GTF2B: variants seen among roughly 807,000 people sequenced by gnomAD.
GTF2B encodes general transcription factor IIB, also known as transcription initiation factor IIB.
In GTF2B, 20 loss-of-function variants were observed where a neutral mutation model predicts 34.6. The observed-to-expected ratio is 0.58, with a 90% CI of 0.41 to 0.84. The LOEUF is 0.84. Ranked by LOEUF, GTF2B falls within the 40% of genes least tolerant of loss-of-function variation. GTF2B has a pLI of 0.00. For missense variants in GTF2B, 237 were observed against 393.3 expected (o/e 0.60, Z 3.36); for synonymous variants, 142 against 132.4 (o/e 1.07, Z -0.50).
At chr1:88,880,846 T>C (rs2100977630) in intron 2 of GTF2B, among the ~76,000 whole-genome samples, 1 of 151,854 alleles carries the variant, frequency 6.6e-6, no homozygotes, top group South Asian at 2.1e-4. Flanking sequence ...CCGTCTTTCC[T>C]AAAATAACAA....
intron 2 of GTF2B, among the ~76,000 whole-genome samples, chr1:88,882,040 T>C (rs1333032492): frequency 6.6e-6 from 1 of 152,096 alleles, no homozygotes; most frequent in Non-Finnish European, 1.5e-5. Flanking sequence ...CCAGGTGCCA[T>C]AGCTCACGCC....
chr1:88,864,418 T>C (rs1216269509), intron 2 of GTF2B, among the ~76,000 whole-genome samples: 1 of 152,120 alleles, frequency 6.6e-6, no homozygotes, highest in Non-Finnish European at 1.5e-5. Flanking sequence ...AATGTAATAA[T>C]GATTAAGAAC....
At position 88,885,088 on chromosome 1, in the gene GTF2B, GAA is replaced by G. The variant is rs540882535; in HGVS notation, c.124+2171_124+2172del. Among the ~76,000 whole-genome samples the G allele has an allele frequency of 1.8e-3, 274 of 152,318 alleles. 1 individual carries two copies. Among genetic ancestry groups the G allele is most frequent in the African/African-American group, 6.2e-3 (259 of 41,582 alleles). Reference sequence around the variant, plus strand: ...CTACTAAGCTCTGCTGTTGTAATGTGAAAAGAGTCATATACACTATGTAAACA... The same window carrying G: ...CTACTAAGCTCTGCTGTTGTAATGTGAAGAGTCATATACACTATGTAAACA... On this transcript the variant is annotated intron_variant, in intron 2 of 6. Transcript: ENST00000370500.
chr1:88,890,167 A>G (rs1674167025), intron 1 of GTF2B, among the ~76,000 whole-genome samples: 2 of 152,056 alleles, frequency 1.3e-5, no homozygotes, highest in Non-Finnish European at 1.5e-5. Context: ...TAAAAAAAAA[A>G]AAAGCCATGG....
chr1:88,865,292 G>GT (rs922106489), intron 2 of GTF2B, among the ~76,000 whole-genome samples: 2 of 152,176 alleles, frequency 1.3e-5, no homozygotes, highest in African/African-American at 4.8e-5. Flanking sequence ...CCCATGTACA[G>GT]TGCATGTAAA....
chr1:88,858,281 G>A (rs183186302), intron 5 of GTF2B, among the ~76,000 whole-genome samples: 5 of 152,184 alleles, frequency 3.3e-5, no homozygotes, highest in Non-Finnish European at 7.3e-5. Flanking sequence ...TTACCGGTGT[G>A]AGCCATCGTG....
At chr1:88,856,096 C>T (rs546629504) in intron 6 of GTF2B, among the ~76,000 whole-genome samples, 27 of 151,484 alleles carry the variant, frequency 1.8e-4, no homozygotes, top group Admixed American at 3.3e-4. Context: ...ATGGTGAAAC[C>T]CCATCTCTAC....
chr1:88,875,831 A>G (rs376556950), intron 2 of GTF2B, among the ~76,000 whole-genome samples: 20 of 152,152 alleles, frequency 1.3e-4, no homozygotes, highest in African/African-American at 4.8e-4. Flanking sequence ...TCAGTGACCA[A>G]CCAGCACAGT....
chr1:88,888,648 AG>A (rs1387223291), intron 1 of GTF2B, among the ~76,000 whole-genome samples: 1 of 152,240 alleles, frequency 6.6e-6, no homozygotes, highest in Non-Finnish European at 1.5e-5. Context: ...AAAAGTAGAT[AG>A]AAAACTATAG....
intron 1 of GTF2B, among the ~76,000 whole-genome samples, chr1:88,889,268 C>A (rs1326168450): frequency 6.6e-6 from 1 of 152,088 alleles, no homozygotes; most frequent in Non-Finnish European, 1.5e-5. Context: ...TATGTGTTAC[C>A]TATCAAAATA....
At position 88,859,169 on chromosome 1, in the gene GTF2B, A is replaced by C. The variant is rs1673383401; in HGVS notation, c.535+713T>G. 2.6e-5 allele frequency among the ~76,000 whole-genome samples: 4 copies of C among 152,116 alleles called. No individual in the cohort carries two copies. In the South Asian group the frequency reaches 8.3e-4, roughly 32 times the overall value. On this transcript the variant is annotated intron_variant, in intron 5 of 6. Transcript: ENST00000370500. The stretch of plus-strand genomic sequence containing the variant: ...GTGTGAGACACCATACCTGGCCTTC[A>C]CTGATACTTTCTAAAGCTTGACTCC...
At position 88,857,334 on chromosome 1, in the gene GTF2B, A is replaced by G. The variant is rs755712098; in HGVS notation, c.689T>C (p.Met230Thr). The G allele has an allele frequency of 1.2e-6, 2 of 1,613,942 alleles. No homozygotes were observed. Among genetic ancestry groups the G allele is most frequent in the South Asian group, 2.2e-5 (2 of 91,082 alleles). ...SNLCLPKQVQ[M>T]AATHIARKAV... is the part of the protein sequence containing the mutation. ...TTTACGGGCTATATGTGTAGCTGCC[A>G]TCTGTACTTGTTTAGGAAGACAAAG... is the stretch of plus-strand genomic sequence containing the variant. Residue 230 changes from methionine to threonine, a missense_variant, in exon 6 of 7, where the codon ATG becomes ACG. Physicochemically the swap from Met to Thr is moderately conservative, Grantham distance 81. Around this residue, in one of 3 missense-constraint regions of GTF2B, gnomAD observed 78 missense variants for 116.6 expected, o/e 0.67. Coordinates refer to ENST00000370500, the MANE Select transcript of GTF2B (RefSeq NM_001514.6).
At chr1:88,888,321 A>G (rs12093354) in intron 1 of GTF2B, among the ~76,000 whole-genome samples, 21,540 of 152,052 alleles carry the variant, frequency 0.14, 3,878 homozygotes, top group African/African-American at 0.42. Flanking sequence ...TCAGAAGGTG[A>G]TATCTACGGG....
chr1:88,886,666 A>T (rs1280597738), intron 2 of GTF2B, among the ~76,000 whole-genome samples: 1 of 152,200 alleles, frequency 6.6e-6, no homozygotes, highest in Admixed American at 6.5e-5. Flanking sequence ...CCAGTCCTCT[A>T]CCAAATATTT....
rs369879352 is a variant in GTF2B, at chr1:88,858,127, G to A, written c.536-640C>T. ...TTCAAGCGATTCTCCTGCCACCCGA[G>A]TAGTTGGGATTACAGGCGCCTGCCA... On this transcript the variant is annotated intron_variant, in intron 5 of 6. Transcript: ENST00000370500. 8.9e-4 allele frequency among the ~76,000 whole-genome samples: 135 copies of A among 151,674 alleles called. 2 individuals are homozygous for A. Among genetic ancestry groups the A allele is most frequent in the South Asian group, 1.7e-3 (8 of 4,794 alleles).
In GTF2B at chr1:88,891,513, G is replaced by T; in HGVS notation, c.-14C>A. Reference sequence around the variant, plus strand: ...GGTAGACGCCATCTTCACGGCGACTGCGGTGCCCGCAACAAGACACAACAG... The same window carrying T: ...GGTAGACGCCATCTTCACGGCGACTTCGGTGCCCGCAACAAGACACAACAG... On this transcript the variant is annotated 5_prime_UTR_variant, in exon 1 of 7. Coordinates refer to ENST00000370500, the MANE Select transcript of GTF2B (RefSeq NM_001514.6). The T allele has an allele frequency of 6.2e-7, 1 of 1,601,378 alleles. No homozygotes were observed. Among genetic ancestry groups the T allele is most frequent in the Non-Finnish European group, 8.5e-7 (1 of 1,173,276 alleles).
chr1:88,879,413 T>G (rs1178652796), intron 2 of GTF2B, among the ~76,000 whole-genome samples: 1 of 151,664 alleles, frequency 6.6e-6, no homozygotes, highest in Non-Finnish European at 1.5e-5. Context: ...ACCCCGTCTC[T>G]ACTAAAAATA....
At chr1:88,880,970 C>T (rs1476651772) in intron 2 of GTF2B, among the ~76,000 whole-genome samples, 1 of 146,698 alleles carries the variant, frequency 6.8e-6, no homozygotes, top group African/African-American at 2.6e-5. Flanking sequence ...GATCATGCCA[C>T]TGCACTCCGG....
chr1:88,876,172 G>A (rs968523640), intron 2 of GTF2B, among the ~76,000 whole-genome samples: 2 of 152,138 alleles, frequency 1.3e-5, no homozygotes, highest in African/African-American at 4.8e-5. Context: ...ACTTAACTTG[G>A]CCATATTAAA....
Sources: gnomAD v4.1 joint callset for allele counts (sites outside exome capture counted in the v4.1 genomes callset) on GRCh38, gnomAD v4.1.1 for gene constraint, gnomAD v4.1.1 regional missense constraint, MANE v1.5 for transcripts, NCBI Gene and HGNC (gene_info 2026-07-23, HGNC 2026-07-21) for gene names.